The following ANKHD1 variants were observed in gnomAD, a reference collection of about 807,000 sequenced individuals.
The protein encoded by ANKHD1 is ankyrin repeat and KH domain containing 1.
Under a neutral mutation model 230.5 loss-of-function variants are expected in ANKHD1, and 31 were observed. The observed-to-expected ratio is 0.13, with a 90% CI of 0.10 to 0.18. The LOEUF is 0.18. Among genes scored for constraint, ANKHD1 ranks in the 10% least tolerant of loss-of-function variants. The pLI is 1.00. For missense variants in ANKHD1, 2,256 were observed against 3,071.3 expected (o/e 0.73, Z 6.27); for synonymous variants, 1,074 against 1,117.6 (o/e 0.96, Z 0.78).
At chr5:140,454,978 T>TA (rs1561747921) in intron 7 of ANKHD1, among the ~76,000 whole-genome samples, 3 of 82,724 alleles carry the variant, frequency 3.6e-5, no homozygotes, top group Non-Finnish European at 8.5e-5. Flanking sequence ...GCAAGACTAA[T>TA]AAAGAAGAAG....
intron 3 of ANKHD1, 143 bp from the exon 4 acceptor site, chr5:140,439,976 C>T: frequency 9.4e-7 from 1 of 1,060,346 alleles, no homozygotes; most frequent in Non-Finnish European, 1.2e-6. Flanking sequence ...AGACAAAATG[C>T]TCAGCAAGTA....
In ANKHD1 at chr5:140,526,311, G is replaced by A. The variant is rs780451476; in HGVS notation, c.4808G>A (p.Ser1603Asn). 6.2e-7 allele frequency: 1 copy of A among 1,614,236 alleles called. No individual in the cohort carries two copies. The highest frequency in any genetic ancestry group is 1.1e-5 in the South Asian group (1 of 91,090). The part of the protein sequence containing the change: ...SDNLDSTDCN[S>N]ESSSGGKSQE... Reference sequence around the variant, plus strand: ...AACTTGGACAGCACAGACTGCAACAGTGAGAGTAGCAGTGGTGGTAAAAGC... The same window carrying A: ...AACTTGGACAGCACAGACTGCAACAATGAGAGTAGCAGTGGTGGTAAAAGC... Residue 1603 changes from serine to asparagine, a missense_variant, in exon 26 of 34, where the codon AGT (serine) becomes AAT (asparagine). Ser to Asn is a conservative substitution (Grantham distance 46). This residue lies in a region of ANKHD1 where 212 missense variants were observed against 257.3 expected (regional missense o/e 0.82). Transcript: ENST00000360839.
intron 4 of ANKHD1, among the ~76,000 whole-genome samples, chr5:140,440,521 T>C (rs1269040302): frequency 1.3e-5 from 2 of 152,182 alleles, no homozygotes; most frequent in East Asian, 3.8e-4. Flanking sequence ...CAAATAGATA[T>C]AATAATAATT....
intron 14 of ANKHD1, among the ~76,000 whole-genome samples, chr5:140,488,970 G>T (rs1020256587): frequency 2.0e-5 from 3 of 151,800 alleles, no homozygotes; most frequent in African/African-American, 7.3e-5. Context: ...TGGGCAAATT[G>T]CTTGAGCCCA....
chr5:140,469,671 A>G (rs1776353570), intron 10 of ANKHD1, among the ~76,000 whole-genome samples: 1 of 152,180 alleles, frequency 6.6e-6, no homozygotes, highest in South Asian at 2.1e-4. Flanking sequence ...ATATTTATTC[A>G]GTATCTATTG....
Position 140,438,560 on chromosome 5 carries a change from C to G in ANKHD1, c.560C>G (p.Ala187Gly), listed in dbSNP as rs1773622470. 6.2e-7 allele frequency: 1 copy of G among 1,613,054 alleles called. No individual in the cohort carries two copies. Among genetic ancestry groups the G allele is most frequent in the African/African-American group, 1.3e-5 (1 of 74,936 alleles). Residue 187 changes from alanine (A) to glycine (G), a missense_variant, in exon 3 of 34, where the codon GCT becomes GGT. By Grantham distance (60) the Ala-to-Gly change is moderately conservative (BLOSUM62 0). This residue lies in a region of ANKHD1 where 206 missense variants were observed against 304.5 expected (regional missense o/e 0.68). Coordinates refer to ENST00000360839, the MANE Select transcript of ANKHD1 (RefSeq NM_017747.3). The stretch of plus-strand genomic sequence containing the variant: ...GTTAGTTGTGCACTGGATGAAGCTG[C>G]TGCTGCACTGACACGGATGAAAGCA... ...SSVSCALDEA[A>G]AALTRMKAEN...
intron 14 of ANKHD1, among the ~76,000 whole-genome samples, chr5:140,488,392 C>G (rs969813469): frequency 2.0e-5 from 3 of 152,024 alleles, no homozygotes; most frequent in Non-Finnish European, 4.4e-5. Flanking sequence ...CAAGACCAGC[C>G]TGGCCAACAT....
chr5:140,512,784 T>C, intron 22 of ANKHD1, 44 bp from the exon 23 acceptor site: 1 of 1,502,604 alleles, frequency 6.7e-7, no homozygotes, highest in Non-Finnish European at 8.9e-7. Context: ...ATAATAATTT[T>C]TCTTTTCATG....
intron 1 of ANKHD1, 90 bp from the exon 2 acceptor site, chr5:140,436,014 T>C: frequency 7.6e-7 from 1 of 1,324,108 alleles, no homozygotes; most frequent in Non-Finnish European, 9.8e-7. Context: ...ATTTAAGTTC[T>C]AATTAAGAAG....
Position 140,528,478 on chromosome 5 carries a change from A to G in ANKHD1, c.5532A>G (p.Pro1844=). ...CAACAAATGTACGTTCTTCTTTCCC[A>G]GTTTCTCTACCCTTAGCTTATCCTC... ...NVPTNVRSSF[P]VSLPLAYPHP... The change falls in exon 29 of 34, where the codon CCA becomes CCG. Residue 1844 remains proline (P), a synonymous_variant. Coordinates refer to ENST00000360839, the MANE Select transcript of ANKHD1 (RefSeq NM_017747.3). 1 of 1,614,048 alleles carries G rather than the reference A, an allele frequency of 6.2e-7. No homozygotes were observed. The highest frequency in any genetic ancestry group is 8.5e-7 in the Non-Finnish European group (1 of 1,180,024).
In ANKHD1 at chr5:140,485,546, A is replaced by G. The variant is rs1185423248; in HGVS notation, c.1999-43A>G. The G allele has an allele frequency of 1.9e-6, 3 of 1,608,300 alleles. No individual in the cohort carries two copies. The Admixed American group carries it at 5.1e-5, about 28-fold the overall frequency. On this transcript the variant is annotated intron_variant, in intron 12 of 33. Transcript: ENST00000360839. This position sits in a 1 kb window ranked among gnomAD's most constrained non-coding sequence, Gnocchi z 4.8. ...GAGTTTTGATTTTATATGAGCTGCTAAGAAACTATAAAGAATTAATTATCA... is the reference window on the plus strand; with the variant it reads ...GAGTTTTGATTTTATATGAGCTGCTGAGAAACTATAAAGAATTAATTATCA...
chr5:140,505,031 T>A, intron 16 of ANKHD1, 65 bp downstream of exon 16: 1 of 1,605,938 alleles, frequency 6.2e-7, no homozygotes. Flanking sequence ...AGGAAAATTA[T>A]TCTGCATTTA....
In ANKHD1 at chr5:140,460,439, C is replaced by G. The variant is rs911736009; in HGVS notation, c.1672+1084C>G. On this transcript the variant is annotated intron_variant, in intron 9 of 33. Transcript: ENST00000360839. ...AATTTTATTCATCCTTTTGGGCTTT[C>G]ATTGTTAACATTAATTTTAATATAG... Among the ~76,000 whole-genome samples the G allele has an allele frequency of 4.6e-5, 7 of 151,984 alleles. No individual in the cohort carries two copies. The East Asian group carries it at 7.7e-4, about 17-fold the overall frequency.
At chr5:140,427,010 C>A (rs1229362265) in intron 1 of ANKHD1, among the ~76,000 whole-genome samples, 1 of 152,220 alleles carries the variant, frequency 6.6e-6, no homozygotes, top group Non-Finnish European at 1.5e-5. Flanking sequence ...TCATCATGGC[C>A]CGTTCTCAAT....
At chr5:140,531,098 T>C (rs1265036030) in intron 29 of ANKHD1, among the ~76,000 whole-genome samples, 1 of 152,180 alleles carries the variant, frequency 6.6e-6, no homozygotes, top group Non-Finnish European at 1.5e-5. Flanking sequence ...ATATAGACTT[T>C]GAGAAGCCCC....
intron 5 of ANKHD1, among the ~76,000 whole-genome samples, 157 bp downstream of exon 5, chr5:140,441,299 A>G (rs904232882): frequency 3.9e-5 from 6 of 152,222 alleles, no homozygotes; most frequent in Admixed American, 2.6e-4. Context: ...TTAATTTGAC[A>G]TCCTCAAAAG....
intron 24 of ANKHD1, among the ~76,000 whole-genome samples, chr5:140,518,418 A>G (rs1429080289): frequency 1.3e-5 from 2 of 151,868 alleles, no homozygotes; most frequent in African/African-American, 4.8e-5. Flanking sequence ...AAAAGAGGGA[A>G]TCCTCCCTAA....
intron 10 of ANKHD1, among the ~76,000 whole-genome samples, chr5:140,471,243 A>G (rs1776475970): frequency 6.6e-6 from 1 of 151,958 alleles, no homozygotes; most frequent in African/African-American, 2.4e-5. Flanking sequence ...TTGTTTTATC[A>G]CTTTGTTCAG....
chr5:140,458,968 ATATATATATATG>A lies in ANKHD1; in HGVS notation c.1480+107_1480+118del. On this transcript the variant is annotated intron_variant, in intron 8 of 33. Transcript: ENST00000360839. The stretch of plus-strand genomic sequence containing the variant: ...AGCATATATATATATATATATATAT[ATATATATATATG>A]CATATATATATATATGCATATATAT... The A allele has an allele frequency of 2.1e-4, 5 of 23,756 alleles. No homozygotes were observed. The East Asian group carries it at 4.1e-3, about 19-fold the overall frequency. 1.5% of individuals were successfully genotyped at this position (23,756 alleles called of 1,614,324 possible). A position where few individuals can be genotyped will look rare whatever the true frequency, so the allele number is the denominator to read the frequency against.
Sources: gnomAD v4.1 joint callset for allele counts (sites outside exome capture counted in the v4.1 genomes callset) on GRCh38, gnomAD v4.1.1 for gene constraint, gnomAD v4.1.1 regional missense constraint, Gnocchi (gnomAD v3.1) non-coding constraint, MANE v1.5 for transcripts, NCBI Gene and HGNC (gene_info 2026-07-23, HGNC 2026-07-21) for gene names.